The following MAP3K20 variants were observed in gnomAD, a reference collection of about 807,000 sequenced individuals.
MAP3K20 encodes mitogen-activated protein kinase kinase kinase 20.
In MAP3K20, 40 loss-of-function variants were observed where a neutral mutation model predicts 85.7. The observed-to-expected ratio is 0.47, with a 90% CI of 0.36 to 0.61. The LOEUF (loss-of-function observed/expected upper bound fraction) is 0.61, where lower values mean the gene tolerates loss of function less well. MAP3K20 is among the 20% of genes least tolerant of loss of function. The probability of loss-of-function intolerance (pLI) is 0.00; values close to 1 mark genes in which losing one functional copy is unlikely to be tolerated. For missense variants in MAP3K20, 817 were observed against 961.7 expected (o/e 0.85, Z 1.99); for synonymous variants, 325 against 327.7 (o/e 0.99, Z 0.09).
rs144819054 is a variant in MAP3K20, at chr2:173,236,382, TA to T, written c.1204-1981del. On this transcript the variant is annotated intron_variant, in intron 14 of 19. Coordinates refer to ENST00000375213, the MANE Select transcript of MAP3K20 (RefSeq NM_016653.3). ...CCTGTTGGAAGCAGCCACTTAAAAG[TA>T]AAAAAAAAATTATTTGACCCACTAG... Among the ~76,000 whole-genome samples the T allele has an allele frequency of 3.4e-5, 5 of 148,686 alleles. No homozygotes were observed. The South Asian group carries it at 8.4e-4, about 25-fold the overall frequency.
chr2:173,080,018 G>A (rs145195314), intron 1 of MAP3K20, among the ~76,000 whole-genome samples: 1,767 of 151,972 alleles, frequency 0.012, 22 homozygotes, highest in Middle Eastern at 0.024. Context: ...TGTATGTGCC[G>A]TACCTTTATA....
At chr2:173,141,912 T>C (rs1394826779) in intron 2 of MAP3K20, among the ~76,000 whole-genome samples, 1 of 152,212 alleles carries the variant, frequency 6.6e-6, no homozygotes, top group African/African-American at 2.4e-5. Context: ...GACAGTGGAA[T>C]GACCTGTAAT....
intron 17 of MAP3K20, 40 bp from the exon 18 acceptor site, chr2:173,261,023 T>A (rs763215287): frequency 3.8e-6 from 6 of 1,589,112 alleles, no homozygotes; most frequent in Non-Finnish European, 5.2e-6. Context: ...TAGAGCAGAC[T>A]GTGTTATGGT....
intron 4 of MAP3K20, 91 bp downstream of exon 4, chr2:173,183,046 G>C: frequency 1.0e-6 from 1 of 980,658 alleles, no homozygotes; most frequent in South Asian, 1.7e-5. Flanking sequence ...GTTTTATTCT[G>C]TCTTTAGATG....
chr2:173,266,090 G>T lies in MAP3K20; in HGVS notation c.1743G>T (p.Gln581His). The change falls in exon 20 of 20, where the codon CAG becomes CAT. Residue 581 changes from glutamine to histidine, a missense_variant. Gln to His is a conservative substitution (Grantham distance 24, BLOSUM62 0). Around this residue, in one of 4 missense-constraint regions of MAP3K20, gnomAD observed 454 missense variants for 476.9 expected, o/e 0.95. Transcript: ENST00000375213. ...CQWLDTLRMR[Q>H]IASNTSLQRS... The stretch of plus-strand genomic sequence containing the variant: ...GGTTAGATACTCTGAGGATGCGGCA[G>T]ATTGCATCCAACACTTCTTTACAGC... The T allele has an allele frequency of 6.3e-7, 1 of 1,598,962 alleles. No individual in the cohort carries two copies. The highest frequency in any genetic ancestry group is 8.5e-7 in the Non-Finnish European group (1 of 1,172,032).
At chr2:173,252,113 C>T (rs1685053745) in intron 16 of MAP3K20, among the ~76,000 whole-genome samples, 1 of 152,012 alleles carries the variant, frequency 6.6e-6, no homozygotes. Flanking sequence ...TCTTTTTATT[C>T]CCTCACCTCT....
intron 3 of MAP3K20, among the ~76,000 whole-genome samples, chr2:173,179,962 AAATT>A (rs1330226378): frequency 1.3e-5 from 2 of 152,228 alleles, no homozygotes; most frequent in African/African-American, 4.8e-5. Flanking sequence ...ATTGCTGAGA[AAATT>A]AAAGATCTAA....
chr2:173,104,644 A>G (rs78681132), intron 2 of MAP3K20, among the ~76,000 whole-genome samples: 5,324 of 152,296 alleles, frequency 0.035, 342 homozygotes, highest in African/African-American at 0.12. Flanking sequence ...ATGGGGGGAA[A>G]ACAGGGCAAG....
intron 1 of MAP3K20, 40 bp from the exon 2 acceptor site, chr2:173,090,958 A>G: frequency 1.3e-6 from 2 of 1,538,372 alleles, no homozygotes; most frequent in Admixed American, 2.1e-5. Context: ...TTAGCCTAAT[A>G]TATTTGTAAT....
chr2:173,209,277 C>T (rs556080715), intron 9 of MAP3K20, among the ~76,000 whole-genome samples: 13 of 152,040 alleles, frequency 8.6e-5, no homozygotes, highest in Non-Finnish European at 1.3e-4. Context: ...TTCCCCCCAA[C>T]GCTTTATCAT....
At chr2:173,113,351 G>C (rs759419642) in intron 2 of MAP3K20, among the ~76,000 whole-genome samples, 15 of 151,648 alleles carry the variant, frequency 9.9e-5, no homozygotes, top group African/African-American at 3.6e-4. Flanking sequence ...CCAGCTTTTT[G>C]GTTCATTTAT....
chr2:173,169,536 C>T (rs1689939883), intron 2 of MAP3K20, among the ~76,000 whole-genome samples: 2 of 151,278 alleles, frequency 1.3e-5, no homozygotes, highest in African/African-American at 4.9e-5. Flanking sequence ...GCCTGGACAA[C>T]ATAGACCCCA....
chr2:173,156,710 C>T (rs1689483795), intron 2 of MAP3K20, among the ~76,000 whole-genome samples: 1 of 152,210 alleles, frequency 6.6e-6, no homozygotes, highest in Non-Finnish European at 1.5e-5. Flanking sequence ...GCCAGCTGCT[C>T]ACCTCCTGCT....
intron 2 of MAP3K20, among the ~76,000 whole-genome samples, chr2:173,156,365 G>C (rs953006866): frequency 5.9e-5 from 9 of 152,182 alleles, no homozygotes; most frequent in African/African-American, 2.2e-4. Context: ...CCGAAGAGCT[G>C]ATTTCATGGG....
intron 9 of MAP3K20, among the ~76,000 whole-genome samples, chr2:173,206,240 A>G (rs754460576): frequency 2.0e-5 from 3 of 152,228 alleles, no homozygotes; most frequent in Non-Finnish European, 4.4e-5. Flanking sequence ...ATGTACATTT[A>G]TGGTACATCC....
At chr2:173,110,127 C>T (rs1687899791) in intron 2 of MAP3K20, among the ~76,000 whole-genome samples, 1 of 129,596 alleles carries the variant, frequency 7.7e-6, no homozygotes, top group South Asian at 2.5e-4. Flanking sequence ...ATCTTTTTAA[C>T]TTTAAACAGA....
intron 3 of MAP3K20, among the ~76,000 whole-genome samples, chr2:173,179,220 C>T (rs1307593006): frequency 6.6e-6 from 1 of 151,940 alleles, no homozygotes; most frequent in South Asian, 2.1e-4. Context: ...AGTGAAACCC[C>T]GTCTCTACTA....
At chr2:173,238,310 A>G (rs1684699670) in intron 14 of MAP3K20, 63 bp from the exon 15 acceptor site, 1 of 1,425,324 alleles carries the variant, frequency 7.0e-7, no homozygotes. Context: ...TTTGTACCCA[A>G]TGATTTTAGT....
intron 2 of MAP3K20, among the ~76,000 whole-genome samples, chr2:173,102,626 G>C (rs924410460): frequency 6.6e-6 from 1 of 152,172 alleles, no homozygotes; most frequent in Non-Finnish European, 1.5e-5. Context: ...AGGTGCATTA[G>C]AGAAGCAGCA....
Sources: gnomAD v4.1 joint callset for allele counts (sites outside exome capture counted in the v4.1 genomes callset) on GRCh38, gnomAD v4.1.1 for gene constraint, gnomAD v4.1.1 regional missense constraint, MANE v1.5 for transcripts, NCBI Gene and HGNC (gene_info 2026-07-23, HGNC 2026-07-21) for gene names.